Variants in CPLX3 observed in about 807,000 individuals in gnomAD.
The protein encoded by CPLX3 is complexin-3.
A neutral mutation model predicts 17.2 loss-of-function variants in CPLX3; 12 were observed. The ratio of observed to expected loss-of-function variants is 0.70; its 90% CI spans 0.45 to 1.13. The LOEUF (loss-of-function observed/expected upper bound fraction) is 1.13. Among genes scored for constraint, CPLX3 ranks in the 50% most tolerant of loss-of-function variants. The pLI is 0.00. For missense variants in CPLX3, 172 were observed against 203.2 expected (o/e 0.85, Z 0.93); for synonymous variants, 75 against 79.4 (o/e 0.94, Z 0.29).
intron 2 of CPLX3, among the ~76,000 whole-genome samples, chr15:74,828,545 G>C (rs1027101432): frequency 6.6e-6 from 1 of 152,206 alleles, no homozygotes; most frequent in Non-Finnish European, 1.5e-5. Flanking sequence ...GTGGGGGAGA[G>C]AAGCCCTGTG....
chr15:74,831,100 C>G lies in CPLX3; in HGVS notation c.*746C>G, dbSNP rs1425291257. On this transcript the variant is annotated 3_prime_UTR_variant, in exon 3 of 3. Coordinates refer to ENST00000395018, the MANE Select transcript of CPLX3 (RefSeq NM_001030005.3). ...TGCCAAGGATGAAGCTGGCACTGAA[C>G]AGTAAGCGGCTCCAGGCCTCCTCTG... 1 of 152,688 alleles carries G rather than the reference C, an allele frequency of 6.5e-6. No individual in the cohort carries two copies. The highest frequency in any genetic ancestry group is 1.9e-4 in the East Asian group (1 of 5,196). The allele number at this position is 152,688 out of a possible 1,614,324, so 9.5% of individuals were successfully genotyped here. A position where few individuals can be genotyped will look rare whatever the true frequency, so the allele number is the denominator to read the frequency against.
intron 1 of CPLX3, 112 bp from the exon 2 acceptor site, chr15:74,827,921 AG>A: frequency 2.4e-6 from 2 of 838,980 alleles, no homozygotes; most frequent in South Asian, 3.1e-5. Flanking sequence ...TGCTACACAC[AG>A]GGACCAATGC....
At chr15:74,827,742 G>T (rs1408723051) in intron 1 of CPLX3, among the ~76,000 whole-genome samples, 1 of 152,202 alleles carries the variant, frequency 6.6e-6, no homozygotes, top group Non-Finnish European at 1.5e-5. Context: ...GTCAGTGAGG[G>T]AACAGCAGAC....
intron 2 of CPLX3, among the ~76,000 whole-genome samples, chr15:74,829,182 A>T (rs1487690543): frequency 6.6e-6 from 1 of 152,110 alleles, no homozygotes; most frequent in Non-Finnish European, 1.5e-5. Flanking sequence ...CTCACTGCAA[A>T]CTCTTCTAGG....
intron 2 of CPLX3, among the ~76,000 whole-genome samples, chr15:74,828,494 T>C (rs2063953850): frequency 6.6e-6 from 1 of 152,230 alleles, no homozygotes; most frequent in Admixed American, 6.5e-5. Context: ...GTGAGTGTTC[T>C]GGGGGTTTCT....
rs1442584452 is a variant in CPLX3 at position 74,826,928 on chromosome 15, T to C, written c.164+61T>C. On this transcript the variant is annotated intron_variant, in intron 1 of 2. Coordinates refer to ENST00000395018, the MANE Select transcript of CPLX3 (RefSeq NM_001030005.3). This position sits in a 1 kb window ranked among gnomAD's most constrained non-coding sequence, Gnocchi z 5.0. ...CCTCCCCACCCCCACAGCTGCTCAGTCCATCCCCGGGCCAGCCTCAGGTCC... is the reference window on the plus strand; with the variant it reads ...CCTCCCCACCCCCACAGCTGCTCAGCCCATCCCCGGGCCAGCCTCAGGTCC... 3 of 1,473,418 alleles carry C rather than the reference T, an allele frequency of 2.0e-6. No homozygotes were observed. The highest frequency in any genetic ancestry group is 2.8e-6 in the Non-Finnish European group (3 of 1,085,274). 91.3% of individuals were successfully genotyped at this position (1,473,418 alleles called of 1,614,324 possible). A position where few individuals can be genotyped will look rare whatever the true frequency, so the allele number is the denominator to read the frequency against.
At position 74,831,109 on chromosome 15, in the gene CPLX3, G is replaced by A. The variant is rs560647582; in HGVS notation, c.*755G>A. On this transcript the variant is annotated 3_prime_UTR_variant, in exon 3 of 3. Coordinates refer to ENST00000395018, the MANE Select transcript of CPLX3 (RefSeq NM_001030005.3). ...TGAAGCTGGCACTGAACAGTAAGCGGCTCCAGGCCTCCTCTGGGCCCAGGG... is the reference window on the plus strand; with the variant it reads ...TGAAGCTGGCACTGAACAGTAAGCGACTCCAGGCCTCCTCTGGGCCCAGGG... The A allele has an allele frequency of 6.5e-6, 1 of 152,788 alleles. No individual in the cohort carries two copies. Among genetic ancestry groups the A allele is most frequent in the African/African-American group, 2.4e-5 (1 of 41,578 alleles). The allele number at this position is 152,788 out of a possible 1,614,324, so 9.5% of individuals were successfully genotyped here.
At chr15:74,828,837 A>C (rs868052016) in intron 2 of CPLX3, among the ~76,000 whole-genome samples, 36 of 152,232 alleles carry the variant, frequency 2.4e-4, no homozygotes, top group South Asian at 6.2e-4. Context: ...AGTATATCTC[A>C]GGAGATCCCT....
chr15:74,828,898 C>T (rs1223946881), intron 2 of CPLX3, among the ~76,000 whole-genome samples: 1 of 152,166 alleles, frequency 6.6e-6, no homozygotes, highest in African/African-American at 2.4e-5. Flanking sequence ...TGTAAGTGTG[C>T]TGCTCCTGTT....
chr15:74,827,326 G>T (rs547673778), intron 1 of CPLX3, among the ~76,000 whole-genome samples: 18 of 152,336 alleles, frequency 1.2e-4, no homozygotes, highest in African/African-American at 3.8e-4. Context: ...GCAGTGCTGG[G>T]ACAGAGTTTG....
chr15:74,826,729 T>G lies in CPLX3; in HGVS notation c.26T>G (p.Val9Gly). ...ATGGCGTTCATGGTGAAGACCATGG[T>G]GGGCGGCCAGCTGAAGAACCTCACT... MAFMVKTM[V>G]GGQLKNLTGS... Residue 9 changes from valine to glycine, a missense_variant, in exon 1 of 3, where the codon GTG becomes GGG. Transcript: ENST00000395018. The surrounding 1 kb of genome is among the most constrained non-coding windows in gnomAD (Gnocchi z 5.0). 1 of 1,610,862 alleles carries G rather than the reference T, an allele frequency of 6.2e-7. No homozygotes were observed. The highest frequency in any genetic ancestry group is 8.5e-7 in the Non-Finnish European group (1 of 1,178,588).
chr15:74,829,987 C>G, intron 2 of CPLX3, 143 bp from the exon 3 acceptor site: 1 of 639,554 alleles, frequency 1.6e-6, no homozygotes, highest in Non-Finnish European at 2.7e-6. Context: ...CATAGGGAGA[C>G]CTCGTCTCTA....
rs147966681 is a variant in CPLX3 at position 74,830,132 on chromosome 15, C to G, written c.255C>G (p.Asn85Lys). ...CCCTCTTCCCCTCTTCCCTTCAGAA[C>G]GAGACAGATGAGAGCCAGATCCAGA... ...HFRDKYRLPK[N>K]ETDESQIQMA... is the part of the protein sequence containing the mutation. The change falls in exon 3 of 3, where the codon AAC (asparagine) becomes AAG (lysine). Residue 85 changes from asparagine (N) to lysine (K), a missense_variant and splice_region_variant. Coordinates refer to ENST00000395018, the MANE Select transcript of CPLX3 (RefSeq NM_001030005.3). 3 of 1,613,356 alleles carry G rather than the reference C, an allele frequency of 1.9e-6. No individual in the cohort carries two copies. The South Asian group carries it at 3.3e-5, about 18-fold the overall frequency.
At chr15:74,829,308 G>GC (rs1483602102) in intron 2 of CPLX3, among the ~76,000 whole-genome samples, 1 of 152,040 alleles carries the variant, frequency 6.6e-6, no homozygotes, top group African/African-American at 2.4e-5. Flanking sequence ...GACATAAGGC[G>GC]CCCCCCAGAA....
In CPLX3 at chr15:74,830,121, T is replaced by A; in HGVS notation, c.253-9T>A. On this transcript the variant is annotated splice_polypyrimidine_tract_variant and intron_variant, in intron 2 of 2. Coordinates refer to ENST00000395018, the MANE Select transcript of CPLX3 (RefSeq NM_001030005.3). ...TCCACCCCACCCCCTCTTCCCCTCT[T>A]CCCTTCAGAACGAGACAGATGAGAG... 1 of 1,612,294 alleles carries A rather than the reference T, an allele frequency of 6.2e-7. No homozygotes were observed. Among genetic ancestry groups the A allele is most frequent in the Non-Finnish European group, 8.5e-7 (1 of 1,178,900 alleles).
intron 2 of CPLX3, among the ~76,000 whole-genome samples, chr15:74,829,556 C>T (rs998731978): frequency 6.6e-6 from 1 of 152,172 alleles, no homozygotes; most frequent in African/African-American, 2.4e-5. Context: ...ACCTACCTCA[C>T]AGGGTTATTG....
intron 2 of CPLX3, 91 bp downstream of exon 2, chr15:74,828,212 C>G: frequency 1.1e-6 from 1 of 932,018 alleles, no homozygotes; most frequent in South Asian, 1.4e-5. Flanking sequence ...CAGCCCTCAG[C>G]TATGAGACTC....
At chr15:74,829,746 C>G (rs1216428090) in intron 2 of CPLX3, among the ~76,000 whole-genome samples, 1 of 152,156 alleles carries the variant, frequency 6.6e-6, no homozygotes, top group African/African-American at 2.4e-5. Flanking sequence ...ACTCACTGTG[C>G]TGGTCCTTCA....
At position 74,830,822 on chromosome 15, in the gene CPLX3, A is replaced by G. The variant is rs116170493; in HGVS notation, c.*468A>G. On this transcript the variant is annotated 3_prime_UTR_variant, in exon 3 of 3. Coordinates refer to ENST00000395018, the MANE Select transcript of CPLX3 (RefSeq NM_001030005.3). ...ACTCTGAGAGAGAGCATGGGCAGAC[A>G]CCCTCAGCAGACAGGAGGCCTGAGT... 930 of 157,398 alleles carry G rather than the reference A, an allele frequency of 5.9e-3. 11 individuals are homozygous for G. The highest frequency in any genetic ancestry group is 0.021 in the African/African-American group (881 of 41,642). The allele number at this position is 157,398 out of a possible 1,614,324, so 9.8% of individuals were successfully genotyped here.
Sources: gnomAD v4.1 joint callset for allele counts (sites outside exome capture counted in the v4.1 genomes callset) on GRCh38, gnomAD v4.1.1 for gene constraint, Gnocchi (gnomAD v3.1) non-coding constraint, MANE v1.5 for transcripts, NCBI Gene and HGNC (gene_info 2026-07-23, HGNC 2026-07-21) for gene names.